The following C4BPA variants were observed in gnomAD, a reference collection of about 807,000 sequenced individuals.
C4BPA encodes the protein complement component 4 binding protein alpha, also known as C4b-binding protein alpha chain.
C4BPA carries 31 observed loss-of-function variants against 63.7 expected under a neutral mutation model. That is an observed-to-expected ratio of 0.49 (90% confidence interval 0.37 to 0.66). C4BPA has a LOEUF of 0.66. Ranked by LOEUF, C4BPA falls within the 30% of genes least tolerant of loss-of-function variation. The pLI is 0.00. For missense variants in C4BPA, 572 were observed against 723.3 expected, an observed-to-expected ratio of 0.79 and a Z score of 2.40; for synonymous variants, 259 against 254.7, an observed-to-expected ratio of 1.02 and a Z score of -0.16.
intron 11 of C4BPA, 92 bp downstream of exon 11, chr1:207,144,085 T>C (rs1685480634): frequency 1.1e-6 from 1 of 895,754 alleles, no homozygotes. Context: ...AATGGTGAAA[T>C]CTGACTTGTC....
chr1:207,128,171 A>C (rs1220275721), intron 7 of C4BPA, among the ~76,000 whole-genome samples: 1 of 152,124 alleles, frequency 6.6e-6, no homozygotes, highest in African/African-American at 2.4e-5. Flanking sequence ...AGCTTCCTAG[A>C]ATGGAAGAAC....
intron 4 of C4BPA, among the ~76,000 whole-genome samples, chr1:207,116,516 ATGTGTGTG>A (rs57449727): frequency 7.7e-4 from 62 of 80,004 alleles, no homozygotes; most frequent in Non-Finnish European, 1.2e-3. Context: ...GTGTGTGTAT[ATGTGTGTG>A]TGTGTGTGTG....
chr1:207,122,950 T>A (rs1684950687), intron 4 of C4BPA, among the ~76,000 whole-genome samples: 1 of 152,206 alleles, frequency 6.6e-6, no homozygotes, highest in South Asian at 2.1e-4. Flanking sequence ...CTATGTTGAT[T>A]CTCTTTTGCT....
chr1:207,142,470 T>C (rs1685440245), intron 10 of C4BPA, among the ~76,000 whole-genome samples: 1 of 152,204 alleles, frequency 6.6e-6, no homozygotes, highest in African/African-American at 2.4e-5. Context: ...GTAATTCTAG[T>C]TCTAGATCCT....
At chr1:207,143,504 C>T (rs557856407) in intron 10 of C4BPA, among the ~76,000 whole-genome samples, 5 of 151,884 alleles carry the variant, frequency 3.3e-5, no homozygotes, top group African/African-American at 1.2e-4. Context: ...AATATGTTGT[C>T]ATATTATATG....
intron 7 of C4BPA, among the ~76,000 whole-genome samples, chr1:207,131,076 GAA>G (rs1685147932): frequency 6.6e-6 from 1 of 152,208 alleles, no homozygotes; most frequent in Non-Finnish European, 1.5e-5. Context: ...GGGAAAGAGA[GAA>G]GAGGACAAGA....
intron 4 of C4BPA, among the ~76,000 whole-genome samples, chr1:207,122,514 G>A (rs1684940033): frequency 6.6e-6 from 1 of 152,098 alleles, no homozygotes; most frequent in Non-Finnish European, 1.5e-5. Context: ...TTGCTACTAT[G>A]TGATGTGCAA....
chr1:207,131,687 C>T lies in C4BPA; in HGVS notation c.1031C>T (p.Thr344Met), dbSNP rs781685048. ...TACAAACCCACTACAGATGAGCCTA[C>T]GACTGTGATTTGTCAGAAAAATTTG... ...PGYKPTTDEP[T>M]TVICQKNLRW... The change falls in exon 8 of 12, where the codon ACG becomes ATG. Residue 344 changes from threonine (T) to methionine (M), a missense_variant. By Grantham distance (81) the Thr-to-Met change is moderately conservative. Transcript: ENST00000367070. 22 of 1,613,726 alleles carry T rather than the reference C, an allele frequency of 1.4e-5. No individual in the cohort carries two copies. The highest frequency in any genetic ancestry group is 4.5e-5 in the East Asian group (2 of 44,834).
intron 4 of C4BPA, among the ~76,000 whole-genome samples, chr1:207,118,660 T>C (rs1352461239): frequency 2.6e-5 from 4 of 152,136 alleles, no homozygotes; most frequent in Non-Finnish European, 5.9e-5. Context: ...CAATATGAGT[T>C]TTGGGTGGGG....
At chr1:207,112,060 T>A (rs777317548) in intron 1 of C4BPA, among the ~76,000 whole-genome samples, 2 of 152,208 alleles carry the variant, frequency 1.3e-5, no homozygotes, top group East Asian at 3.9e-4. Flanking sequence ...ACTTAGGATA[T>A]GTTGTGTTCT....
intron 4 of C4BPA, among the ~76,000 whole-genome samples, chr1:207,116,192 C>T (rs181880022): frequency 6.6e-6 from 1 of 152,210 alleles, no homozygotes; most frequent in East Asian, 1.9e-4. Flanking sequence ...GTCAAACTTT[C>T]GAAAACTTGT....
Position 207,135,262 on chromosome 1 carries a change from C to T in C4BPA, c.1273+670C>T, listed in dbSNP as rs187044407. On this transcript the variant is annotated intron_variant, in intron 9 of 11. Transcript: ENST00000367070. Reference sequence around the variant, plus strand: ...CTGAGGCAGGAGAATCACTTGACCTCGGGAGGCGGAGGTTGCAGTGAGCCG... The same window carrying T: ...CTGAGGCAGGAGAATCACTTGACCTTGGGAGGCGGAGGTTGCAGTGAGCCG... 5.6e-3 allele frequency among the ~76,000 whole-genome samples: 845 copies of T among 152,134 alleles called. 5 individuals are homozygous for T. The highest frequency in any genetic ancestry group is 9.8e-3 in the Non-Finnish European group (665 of 68,000).
intron 3 of C4BPA, among the ~76,000 whole-genome samples, 153 bp from the exon 4 acceptor site, chr1:207,115,263 T>C (rs908523226): frequency 1.3e-5 from 2 of 152,212 alleles, no homozygotes; most frequent in African/African-American, 4.8e-5. Context: ...TTTGTATTAA[T>C]TTTGAGGTGA....
At chr1:207,143,657 G>A (rs182691049) in intron 10 of C4BPA, among the ~76,000 whole-genome samples, 161 bp from the exon 11 acceptor site, 15 of 152,262 alleles carry the variant, frequency 9.9e-5, no homozygotes, top group Non-Finnish European at 1.9e-4. Flanking sequence ...AAGTCTGATA[G>A]GTAGTCATAC....
intron 1 of C4BPA, among the ~76,000 whole-genome samples, chr1:207,106,457 T>TTG (rs905722793): frequency 1.5e-5 from 2 of 129,570 alleles, no homozygotes; most frequent in African/African-American, 6.6e-5. Context: ...TTTTTTTTTT[T>TTG]GAAACGGAGT....
chr1:207,124,298 C>T lies in C4BPA; in HGVS notation c.638C>T (p.Ala213Val), dbSNP rs1317597387. 2 of 1,613,888 alleles carry T rather than the reference C, an allele frequency of 1.2e-6. No individual in the cohort carries two copies. The highest frequency in any genetic ancestry group is 1.3e-5 in the African/African-American group (1 of 74,998). ...CDPRFSLLGHASISCTVENET... is the reference protein window; with the variant it reads ...CDPRFSLLGHVSISCTVENET... ...CCCCGCTTCTCACTCTTGGGCCATG[C>T]CTCCATTTCTTGCACTGTGGAGAAT... The change falls in exon 6 of 12, where the codon GCC (alanine) becomes GTC (valine). Residue 213 changes from alanine to valine, a missense_variant. Transcript: ENST00000367070.
At chr1:207,128,575 T>G (rs1685097663) in intron 7 of C4BPA, among the ~76,000 whole-genome samples, 1 of 152,170 alleles carries the variant, frequency 6.6e-6, no homozygotes, top group Non-Finnish European at 1.5e-5. Flanking sequence ...TTGTATGTAA[T>G]ACCAACAGAG....
Position 207,134,306 on chromosome 1 carries a change from A to G in C4BPA, c.1085-98A>G, listed in dbSNP as rs1685231655. 4 of 854,032 alleles carry G rather than the reference A, an allele frequency of 4.7e-6. No individual in the cohort carries two copies. The African/African-American group carries it at 5.1e-5, about 11-fold the overall frequency. The allele number at this position is 854,032 out of a possible 1,614,324, so 52.9% of individuals were successfully genotyped here. A position where few individuals can be genotyped will look rare whatever the true frequency, so the allele number is the denominator to read the frequency against. ...CTTTCTGTTTCCCCAATCTCTCTTC[A>G]GTGGTGAGATCGTCCAAAGATGGAA... On this transcript the variant is annotated intron_variant, in intron 8 of 11. Coordinates refer to ENST00000367070, the MANE Select transcript of C4BPA (RefSeq NM_000715.4).
In C4BPA at chr1:207,115,403, A is replaced by AT. The variant is rs200243680; in HGVS notation, c.329-8dup. ...CTTGGAAGTACTAATCATCATTTAA[A>AT]TTTTTCTCCCAGACAAACGATGCAG... is the stretch of plus-strand genomic sequence containing the variant. On this transcript the variant is annotated splice_polypyrimidine_tract_variant and intron_variant, in intron 3 of 11. Transcript: ENST00000367070. 7.5e-4 allele frequency: 1,130 copies of AT among 1,497,554 alleles called. 26 individuals are homozygous for AT. The East Asian group carries it at 0.016, about 22-fold the overall frequency. The allele number at this position is 1,497,554 out of a possible 1,614,324, so 92.8% of individuals were successfully genotyped here.
Sources: gnomAD v4.1 joint callset for allele counts (sites outside exome capture counted in the v4.1 genomes callset) on GRCh38, gnomAD v4.1.1 for gene constraint, MANE v1.5 for transcripts, NCBI Gene and HGNC (gene_info 2026-07-23, HGNC 2026-07-21) for gene names.